HRH1: variants seen among roughly 807,000 people sequenced by gnomAD.
HRH1 encodes the protein histamine receptor H1, also known as histamine H1 receptor.
A neutral mutation model predicts 10.3 loss-of-function variants in HRH1; 6 were observed. The ratio of observed to expected loss-of-function variants is 0.58; its 90% CI spans 0.32 to 1.15. The LOEUF (loss-of-function observed/expected upper bound fraction) is 1.15, where lower values mean the gene tolerates loss of function less well. Ranked by LOEUF, HRH1 falls within the 50% of genes most tolerant of loss-of-function variation. The pLI is 0.05. For missense variants in HRH1, 514 were observed against 615.3 expected, an observed-to-expected ratio of 0.84 and a Z score of 1.74; for synonymous variants, 242 against 236.7, an observed-to-expected ratio of 1.02 and a Z score of -0.21.
chr3:11,236,755 C>T (rs952405954), intron 1 of HRH1, among the ~76,000 whole-genome samples: 1 of 152,024 alleles, frequency 6.6e-6, no homozygotes, highest in Non-Finnish European at 1.5e-5. Flanking sequence ...ATATAAATAC[C>T]CTGGCCCCAG....
exon 1 of HRH1, chr3:11,137,355 G>A (rs775171547): frequency 6.6e-6 from 1 of 152,474 alleles, no homozygotes; most frequent in Non-Finnish European, 1.5e-5. Context: ...ACTACAAGAA[G>A]CAAGCCCTGA....
In HRH1 at chr3:11,247,580, C is replaced by T. The variant is rs930641263; in HGVS notation, c.-35-11423C>T. ...GAAGGCATATCTGGATTTGTCTGGA[C>T]GTGGCAAAGGCGGGAAGGTTGTTTA... On this transcript the variant is annotated intron_variant, in intron 1 of 1. Coordinates refer to ENST00000431010, the MANE Select transcript of HRH1 (RefSeq NM_001098212.2). 2.5e-3 allele frequency among the ~76,000 whole-genome samples: 84 copies of T among 33,614 alleles called. 2 individuals carry two copies. The highest frequency in any genetic ancestry group is 4.8e-3 in the African/African-American group (83 of 17,122). 22.1% of individuals were successfully genotyped at this position (33,614 alleles called of 152,430 possible). A position where few individuals can be genotyped will look rare whatever the true frequency, so the allele number is the denominator to read the frequency against.
rs535854385 is a variant in HRH1, at chr3:11,137,824, A to G, written c.-36+425A>G. Reference sequence around the variant, plus strand: ...ACTGAGGTACTAAGTTGTCCTCTTGAGTGAGGCCACTGATACACTTTCTTT... The same window carrying G: ...ACTGAGGTACTAAGTTGTCCTCTTGGGTGAGGCCACTGATACACTTTCTTT... On this transcript the variant is annotated intron_variant, in intron 1 of 1. Transcript: ENST00000438284. 6.2e-4 allele frequency among the ~76,000 whole-genome samples: 95 copies of G among 152,204 alleles called. 1 individual carries two copies. Among genetic ancestry groups the G allele is most frequent in the African/African-American group, 2.2e-3 (91 of 41,516 alleles).
At chr3:11,181,685 G>A (rs1388532086) in intron 1 of HRH1, among the ~76,000 whole-genome samples, 2 of 143,184 alleles carry the variant, frequency 1.4e-5, no homozygotes, top group South Asian at 2.2e-4. Context: ...AGGCTGGAGC[G>A]CAGTGGCGCG....
At chr3:11,245,932 TACAC>T (rs1484025326) in intron 1 of HRH1, among the ~76,000 whole-genome samples, 3 of 151,572 alleles carry the variant, frequency 2.0e-5, no homozygotes, top group South Asian at 2.1e-4. Flanking sequence ...CACTCACACA[TACAC>T]ACTCACACTC....
intron 1 of HRH1, among the ~76,000 whole-genome samples, chr3:11,247,760 C>A (rs1575041163): frequency 6.6e-6 from 1 of 152,154 alleles, no homozygotes; most frequent in East Asian, 1.9e-4. Flanking sequence ...CTTAGCATAT[C>A]TAGGCTCTGT....
intron 1 of HRH1, among the ~76,000 whole-genome samples, chr3:11,196,837 C>T (rs1024768899): frequency 2.6e-5 from 4 of 151,352 alleles, no homozygotes; most frequent in South Asian, 2.1e-4. Context: ...CGTCCGGGCA[C>T]GGTAGCTCAC....
At chr3:11,197,124 CA>C (rs11330219) in intron 1 of HRH1, among the ~76,000 whole-genome samples, 5,499 of 105,934 alleles carry the variant, frequency 0.052, 281 homozygotes, top group African/African-American at 0.15. Context: ...GACTCCATCT[CA>C]AAAAAAAAAA....
At chr3:11,227,436 G>A (rs11128544) in intron 1 of HRH1, among the ~76,000 whole-genome samples, 37,169 of 151,760 alleles carry the variant, frequency 0.24, 5,111 homozygotes, top group South Asian at 0.36. Flanking sequence ...ACAGGCGCCC[G>A]CCACCACGCC....
At chr3:11,172,988 C>T (rs1022880853) in intron 1 of HRH1, among the ~76,000 whole-genome samples, 1 of 152,162 alleles carries the variant, frequency 6.6e-6, no homozygotes, top group Non-Finnish European at 1.5e-5. Flanking sequence ...TGAGCCACCG[C>T]GCCCGGCCAG....
chr3:11,192,174 G>C (rs1237986828), intron 1 of HRH1, among the ~76,000 whole-genome samples: 1 of 152,192 alleles, frequency 6.6e-6, no homozygotes, highest in Non-Finnish European at 1.5e-5. Flanking sequence ...TACACACGTT[G>C]TATGCACAGC....
intron 1 of HRH1, among the ~76,000 whole-genome samples, chr3:11,237,631 A>C (rs1489603230): frequency 1.3e-5 from 2 of 151,274 alleles, no homozygotes; most frequent in Admixed American, 1.3e-4. Context: ...AGCCTGATGC[A>C]ATCCTGAAAA....
intron 1 of HRH1, among the ~76,000 whole-genome samples, chr3:11,237,866 C>T (rs909168840): frequency 5.9e-5 from 9 of 151,766 alleles, no homozygotes; most frequent in South Asian, 2.1e-4. Context: ...TTAGTAGAGA[C>T]GGAGTTTCAC....
chr3:11,165,766 A>T (rs1254855047), intron 1 of HRH1, among the ~76,000 whole-genome samples: 1 of 152,190 alleles, frequency 6.6e-6, no homozygotes, highest in African/African-American at 2.4e-5. Flanking sequence ...TTCATCCCAG[A>T]CACAGAGCTG....
At chr3:11,206,380 A>C (rs1339839349) in intron 1 of HRH1, among the ~76,000 whole-genome samples, 1 of 152,204 alleles carries the variant, frequency 6.6e-6, no homozygotes, top group Non-Finnish European at 1.5e-5. Flanking sequence ...GGCCTTCCGA[A>C]GTGCTGGGAT....
At chr3:11,242,195 C>A (rs1939362902) in intron 1 of HRH1, among the ~76,000 whole-genome samples, 1 of 152,062 alleles carries the variant, frequency 6.6e-6, no homozygotes, top group Non-Finnish European at 1.5e-5. Flanking sequence ...AGAGCTCTAA[C>A]ACTTGGCCGG....
At chr3:11,216,762 C>T (rs923720497) in intron 1 of HRH1, among the ~76,000 whole-genome samples, 6 of 152,158 alleles carry the variant, frequency 3.9e-5, no homozygotes, top group African/African-American at 1.4e-4. Context: ...TGCCTGTGAT[C>T]CCAGCTACTT....
chr3:11,153,336 C>CT (rs1559253646), upstream of HRH1, among the ~76,000 whole-genome samples: 2 of 152,154 alleles, frequency 1.3e-5, no homozygotes, highest in African/African-American at 2.4e-5. Flanking sequence ...TTTATGAACC[C>CT]TTGTGTTACC....
Position 11,262,852 on chromosome 3 carries a change from T to C in HRH1, c.*2351T>C, listed in dbSNP as rs1334787594. 1.2e-5 allele frequency: 2 copies of C among 167,142 alleles called. No individual in the cohort carries two copies. Among genetic ancestry groups the C allele is most frequent in the African/African-American group, 2.4e-5 (1 of 41,480 alleles). 10.4% of individuals were successfully genotyped at this position (167,142 alleles called of 1,614,324 possible). A position where few individuals can be genotyped will look rare whatever the true frequency, so the allele number is the denominator to read the frequency against. On this transcript the variant is annotated 3_prime_UTR_variant, in exon 2 of 2. Coordinates refer to ENST00000431010, the MANE Select transcript of HRH1 (RefSeq NM_001098212.2). ...TTATTGTATACAGTGTCTCTAGTGC[T>C]TGTATAGTGTCTGGTATACAGAGGG...
Sources: allele counts gnomAD v4.1 joint callset (sites outside exome capture counted in the v4.1 genomes callset), GRCh38; gene constraint gnomAD v4.1.1; transcripts MANE v1.5; gene names NCBI Gene and HGNC (gene_info 2026-07-23, HGNC 2026-07-21).